ITIH2: variants seen among roughly 807,000 people sequenced by gnomAD.
ITIH2 encodes inter-alpha-trypsin inhibitor heavy chain H2.
Under a neutral mutation model 104.4 loss-of-function variants are expected in ITIH2, and 103 were observed. The ratio of observed to expected loss-of-function variants is 0.99; its 90% CI spans 0.84 to 1.16. ITIH2 has a LOEUF of 1.16. ITIH2 is among the 50% of genes most tolerant of loss of function. The pLI is 0.00. For synonymous variants in ITIH2, 436 were observed against 435.4 expected, an observed-to-expected ratio of 1.00 and a Z score of -0.02; for missense variants, 1,108 against 1,162.4, an observed-to-expected ratio of 0.95 and a Z score of 0.68.
chr10:7,748,442 G>A (rs1339170073), intron 20 of ITIH2, among the ~76,000 whole-genome samples: 1 of 142,090 alleles, frequency 7.0e-6, no homozygotes, highest in Non-Finnish European at 1.5e-5. Context: ...TCAAGTGGAG[G>A]ACATGAATCT....
intron 4 of ITIH2, among the ~76,000 whole-genome samples, chr10:7,710,626 G>A (rs1326550987): frequency 6.6e-6 from 1 of 152,022 alleles, no homozygotes; most frequent in Non-Finnish European, 1.5e-5. Context: ...AATAGTAAAG[G>A]GTTCAACCAC....
chr10:7,717,048 G>T (rs1459508791), intron 5 of ITIH2, among the ~76,000 whole-genome samples: 2 of 151,504 alleles, frequency 1.3e-5, no homozygotes, highest in African/African-American at 4.9e-5. Flanking sequence ...CCTGGGTCCT[G>T]GTTCAAGCAT....
chr10:7,748,247 CATAT>C lies in ITIH2; in HGVS notation c.2694-929_2694-926del, dbSNP rs71385668. Among the ~76,000 whole-genome samples the C allele has an allele frequency of 3.6e-3, 509 of 143,046 alleles. 3 individuals are homozygous for C. Among genetic ancestry groups the C allele is most frequent in the Middle Eastern group, 0.018 (5 of 278 alleles). 93.8% of individuals were successfully genotyped at this position (143,046 alleles called of 152,430 possible). A position where few individuals can be genotyped will look rare whatever the true frequency, so the allele number is the denominator to read the frequency against. The stretch of plus-strand genomic sequence containing the variant: ...ACATATATAAATAAATATATGTATA[CATAT>C]ATATATATATTTACTATAATGACAA... On this transcript the variant is annotated intron_variant, in intron 20 of 20. Coordinates refer to ENST00000358415, the MANE Select transcript of ITIH2 (RefSeq NM_002216.3).
rs1401747103 is a variant in ITIH2 at position 7,732,410 on chromosome 10, C to A, written c.1720C>A (p.His574Asn). The change falls in exon 14 of 21, where the codon CAT becomes AAT. Residue 574 changes from histidine (H) to asparagine (N), a missense_variant. By Grantham distance (68) the His-to-Asn change is moderately conservative. Coordinates refer to ENST00000358415, the MANE Select transcript of ITIH2 (RefSeq NM_002216.3). ...DLQDFLSKDK[H>N]ADPDFTRKLW... ...GCAGGATTTTCTATCGAAAGACAAG[C>A]ATGCAGATCCCGATTTCACCAGGAA... 6.2e-7 allele frequency: 1 copy of A among 1,614,094 alleles called. No homozygotes were observed. Among genetic ancestry groups the A allele is most frequent in the East Asian group, 2.2e-5 (1 of 44,878 alleles).
In ITIH2 at chr10:7,746,690, G is replaced by A. The variant is rs1010250056; in HGVS notation, c.2679G>A (p.Lys893=). 2 of 1,611,364 alleles carry A rather than the reference G, an allele frequency of 1.2e-6. No homozygotes were observed. Among genetic ancestry groups the A allele is most frequent in the African/African-American group, 1.3e-5 (1 of 74,984 alleles). The part of the protein sequence containing the change: ...PEASMEVKGQ[K]LIITRGLQKD... Reference sequence around the variant, plus strand: ...CCAGCATGGAAGTGAAGGGGCAGAAGCTGATCATCACCAGGTAGGCCTCGG... The same window carrying A: ...CCAGCATGGAAGTGAAGGGGCAGAAACTGATCATCACCAGGTAGGCCTCGG... The change falls in exon 20 of 21, where the codon AAG becomes AAA. Residue 893 remains lysine, a synonymous_variant. Coordinates refer to ENST00000358415, the MANE Select transcript of ITIH2 (RefSeq NM_002216.3).
chr10:7,743,974 A>G (rs1835151375), intron 17 of ITIH2, 108 bp from the exon 18 acceptor site: 1 of 671,948 alleles, frequency 1.5e-6, no homozygotes, highest in Admixed American at 3.4e-5. Context: ...AAGCAAAATT[A>G]TAATAATTTT....
In ITIH2 at chr10:7,745,841, G is replaced by A. The variant is rs185805097; in HGVS notation, c.2582-752G>A. Among the ~76,000 whole-genome samples, 223 of 151,352 alleles carry A rather than the reference G, an allele frequency of 1.5e-3. 6 individuals are homozygous for A. In the East Asian group the frequency reaches 0.036, roughly 24 times the overall value. ...GCAATCTCGGCTCACCGCAACCGCT[G>A]CCTCCCCGGTTCATGCGATTCTCTT... On this transcript the variant is annotated intron_variant, in intron 19 of 20. Transcript: ENST00000358415.
intron 8 of ITIH2, among the ~76,000 whole-genome samples, chr10:7,722,401 C>T (rs1363622354): frequency 6.6e-6 from 1 of 152,152 alleles, no homozygotes; most frequent in Admixed American, 6.5e-5. Flanking sequence ...AGCCAGTCAT[C>T]AAGCCTGCAG....
intron 16 of ITIH2, among the ~76,000 whole-genome samples, chr10:7,739,761 C>T (rs947985177): frequency 6.6e-6 from 1 of 152,110 alleles, no homozygotes; most frequent in Non-Finnish European, 1.5e-5. Context: ...CATAGTGGTG[C>T]ACCTGTAGTC....
chr10:7,720,778 T>C (rs1339975366), intron 6 of ITIH2, 78 bp from the exon 7 acceptor site: 2 of 879,832 alleles, frequency 2.3e-6, no homozygotes, highest in East Asian at 5.0e-5. Context: ...TCAGAGGACT[T>C]ATTTGTAATT....
At chr10:7,738,592 A>G (rs1316137972) in intron 15 of ITIH2, 29 bp from the exon 16 acceptor site, 2 of 1,611,828 alleles carry the variant, frequency 1.2e-6, no homozygotes, top group Admixed American at 3.3e-5. Context: ...TAAATCTAGA[A>G]ACTAACAGAT....
At chr10:7,704,134 C>T (rs1255968478) in intron 1 of ITIH2, among the ~76,000 whole-genome samples, 1 of 152,222 alleles carries the variant, frequency 6.6e-6, no homozygotes, top group East Asian at 1.9e-4. Flanking sequence ...TAAGGAAAGT[C>T]TTGGACTGAA....
At chr10:7,729,675 G>A (rs1834983392) in intron 11 of ITIH2, among the ~76,000 whole-genome samples, 1 of 151,812 alleles carries the variant, frequency 6.6e-6, no homozygotes, top group African/African-American at 2.4e-5. Flanking sequence ...CGGTTTAAAT[G>A]TATCATCATC....
At chr10:7,732,552 A>C in intron 14 of ITIH2, 75 bp downstream of exon 14, 1 of 1,515,918 alleles carries the variant, frequency 6.6e-7, no homozygotes, top group Non-Finnish European at 9.0e-7. Context: ...GAAGTCATAC[A>C]CAAAAAGAGT....
At chr10:7,709,857 G>A (rs576281578) in intron 4 of ITIH2, among the ~76,000 whole-genome samples, 1 of 152,136 alleles carries the variant, frequency 6.6e-6, no homozygotes, top group East Asian at 1.9e-4. Flanking sequence ...TCTGAGCTTG[G>A]CTTCTTTTTT....
chr10:7,730,551 T>C (rs1300110261), intron 12 of ITIH2, among the ~76,000 whole-genome samples: 2 of 152,210 alleles, frequency 1.3e-5, no homozygotes, highest in Non-Finnish European at 2.9e-5. Flanking sequence ...CTGAGTGTGG[T>C]GGCTCATGCC....
chr10:7,732,268 C>T (rs1003808625), intron 13 of ITIH2, 70 bp from the exon 14 acceptor site: 4 of 1,512,544 alleles, frequency 2.6e-6, no homozygotes, highest in Non-Finnish European at 3.6e-6. Flanking sequence ...GCAGCAGGTA[C>T]TAAAAATGTG....
intron 5 of ITIH2, among the ~76,000 whole-genome samples, chr10:7,714,016 A>G (rs1236174755): frequency 6.6e-6 from 1 of 151,984 alleles, no homozygotes; most frequent in East Asian, 1.9e-4. Flanking sequence ...AGCATCAGTT[A>G]CTTCACTTAG....
chr10:7,727,827 G>T lies in ITIH2; in HGVS notation c.1278G>T (p.Val426=). 1 of 1,614,094 alleles carries T rather than the reference G, an allele frequency of 6.2e-7. No individual in the cohort carries two copies. The highest frequency in any genetic ancestry group is 8.5e-7 in the Non-Finnish European group (1 of 1,179,962). Residue 426 remains valine (V), a splice_region_variant and synonymous_variant, in exon 11 of 21, where the codon GTG becomes GTT. Transcript: ENST00000358415. The part of the protein sequence containing the change: ...IILVSDGDPT[V]GELKLSKIQK... ...TGGTTTCTGATGGAGATCCAACAGT[G>T]GGCAAGTGTCACTTCAACCTTCTCA...
Sources: gnomAD v4.1 joint callset for allele counts (sites outside exome capture counted in the v4.1 genomes callset) on GRCh38, gnomAD v4.1.1 for gene constraint, MANE v1.5 for transcripts, NCBI Gene and HGNC (gene_info 2026-07-23, HGNC 2026-07-21) for gene names.